Variants in SCHIP1 observed in about 807,000 individuals in gnomAD.
SCHIP1 encodes schwannomin-interacting protein 1.
Under a neutral mutation model 29.7 loss-of-function variants are expected in SCHIP1, and 8 were observed. That is an observed-to-expected ratio of 0.27 (90% CI 0.16 to 0.49). The LOEUF (loss-of-function observed/expected upper bound fraction) is 0.49. Among genes scored for constraint, SCHIP1 ranks in the 20% least tolerant of loss-of-function variants. SCHIP1 has a pLI of 0.99. For synonymous variants in SCHIP1, 76 were observed against 94.9 expected (o/e 0.80, Z 1.16); for missense variants, 193 against 294.6 (o/e 0.66, Z 2.52).
At chr3:159,764,357 G>T in the SCHIP1 span, 2 of 1,466,008 alleles carry the variant, frequency 1.4e-6, no homozygotes, top group Non-Finnish European at 1.8e-6. The surrounding 1 kb of genome is among the most constrained non-coding windows in gnomAD (Gnocchi z 6.1). Flanking sequence ...CAGGGTGCGG[G>T]GCACTGAGCC....
chr3:159,592,149 T>C, the SCHIP1 span, among the ~76,000 whole-genome samples: 1 of 152,178 alleles, frequency 6.6e-6, no homozygotes, highest in Non-Finnish European at 1.5e-5. Flanking sequence ...AAAACAGAAT[T>C]GTTGCCTTGT....
chr3:159,323,169 T>A, the SCHIP1 span, among the ~76,000 whole-genome samples: 1 of 152,230 alleles, frequency 6.6e-6, no homozygotes, highest in East Asian at 1.9e-4. Context: ...GATATCTCAA[T>A]GGGGAAATGA....
At chr3:159,757,643 T>C in the SCHIP1 span, among the ~76,000 whole-genome samples, 1 of 152,152 alleles carries the variant, frequency 6.6e-6, no homozygotes, top group African/African-American at 2.4e-5. Flanking sequence ...CCCATGAAAT[T>C]CTGGCAGTTT....
the SCHIP1 span, among the ~76,000 whole-genome samples, chr3:159,413,287 GA>G: frequency 7.2e-5 from 11 of 152,172 alleles, no homozygotes; most frequent in African/African-American, 2.7e-4. Context: ...GGAGAGAACA[GA>G]GCAAAATGAG....
chr3:159,822,849 A>G, the SCHIP1 span, among the ~76,000 whole-genome samples: 1 of 151,606 alleles, frequency 6.6e-6, no homozygotes, highest in Non-Finnish European at 1.5e-5. Flanking sequence ...AGGACAGACA[A>G]TTAATTGTTT....
At chr3:159,434,338 C>G in the SCHIP1 span, among the ~76,000 whole-genome samples, 1 of 152,162 alleles carries the variant, frequency 6.6e-6, no homozygotes, top group East Asian at 1.9e-4. Flanking sequence ...TTTGCTGATG[C>G]TACTCCATAT....
At chr3:159,850,812 G>C (rs1003252476) in intron 1 of SCHIP1, among the ~76,000 whole-genome samples, 1 of 152,110 alleles carries the variant, frequency 6.6e-6, no homozygotes, top group Non-Finnish European at 1.5e-5. Flanking sequence ...GCATTAGGGG[G>C]ATGGTGCTAA....
the SCHIP1 span, among the ~76,000 whole-genome samples, chr3:159,778,768 C>G: frequency 9.2e-5 from 14 of 152,174 alleles, no homozygotes; most frequent in Admixed American, 7.9e-4. Context: ...GTTGCCTTGC[C>G]TCTATCCCTC....
the SCHIP1 span, among the ~76,000 whole-genome samples, chr3:159,458,615 C>A: frequency 1.3e-5 from 2 of 150,786 alleles, no homozygotes; most frequent in South Asian, 4.2e-4. Flanking sequence ...GTAATAGCTC[C>A]TTGTAATAGA....
chr3:159,326,480 A>C, the SCHIP1 span, among the ~76,000 whole-genome samples: 3 of 151,730 alleles, frequency 2.0e-5, no homozygotes, highest in African/African-American at 7.3e-5. Flanking sequence ...AGACTGAATT[A>C]TCTCTTTTTG....
At chr3:159,420,493 G>C in the SCHIP1 span, among the ~76,000 whole-genome samples, 2 of 152,176 alleles carry the variant, frequency 1.3e-5, no homozygotes, top group African/African-American at 4.8e-5. Flanking sequence ...TGACCTTAAA[G>C]TCACCTTGGA....
the SCHIP1 span, among the ~76,000 whole-genome samples, chr3:159,626,149 T>TAG: frequency 4.8e-4 from 52 of 107,906 alleles, 1 homozygote; most frequent in South Asian, 7.7e-3. Context: ...TATATCTAGA[T>TAG]ATATATATAT....
the SCHIP1 span, among the ~76,000 whole-genome samples, chr3:159,637,889 C>T: frequency 3.9e-5 from 6 of 152,186 alleles, no homozygotes; most frequent in East Asian, 1.9e-4. Context: ...ATACTAAATG[C>T]TTATGCCCAT....
At chr3:159,601,908 T>C in the SCHIP1 span, among the ~76,000 whole-genome samples, 2 of 152,212 alleles carry the variant, frequency 1.3e-5, no homozygotes, top group East Asian at 1.9e-4. Context: ...ACAAGGGCTA[T>C]TGTTCCGAGA....
At chr3:159,846,279 C>G (rs895846242) in intron 1 of SCHIP1, among the ~76,000 whole-genome samples, 1 of 152,094 alleles carries the variant, frequency 6.6e-6, no homozygotes, top group Non-Finnish European at 1.5e-5. Flanking sequence ...AGGTATCATA[C>G]CCAGCACATA....
the SCHIP1 span, among the ~76,000 whole-genome samples, chr3:159,739,610 G>C: frequency 6.6e-6 from 1 of 152,026 alleles, no homozygotes; most frequent in East Asian, 1.9e-4. Flanking sequence ...AGAATTTTGT[G>C]GCACCAAATT....
chr3:159,808,202 A>C, the SCHIP1 span, among the ~76,000 whole-genome samples: 1 of 152,242 alleles, frequency 6.6e-6, no homozygotes, highest in South Asian at 2.1e-4. Flanking sequence ...TCATCACCTT[A>C]TAAGCAAGGA....
At chr3:159,707,249 A>G in the SCHIP1 span, among the ~76,000 whole-genome samples, 1 of 152,186 alleles carries the variant, frequency 6.6e-6, no homozygotes, top group African/African-American at 2.4e-5. Flanking sequence ...AAGATCATTG[A>G]ATAAAATACG....
At chr3:159,734,608 G>T in the SCHIP1 span, among the ~76,000 whole-genome samples, 1 of 151,974 alleles carries the variant, frequency 6.6e-6, no homozygotes, top group African/African-American at 2.4e-5. Flanking sequence ...GCCTAGAATT[G>T]AGCAGATCTG....
Sources: gnomAD v4.1 joint callset for allele counts (sites outside exome capture counted in the v4.1 genomes callset) on GRCh38, gnomAD v4.1.1 for gene constraint, Gnocchi (gnomAD v3.1) non-coding constraint, MANE v1.5 for transcripts, NCBI Gene and HGNC (gene_info 2026-07-23, HGNC 2026-07-21) for gene names.